INPP5A: variants seen among roughly 807,000 people sequenced by gnomAD.
The protein encoded by INPP5A is inositol polyphosphate-5-phosphatase A.
A neutral mutation model predicts 65.2 loss-of-function variants in INPP5A; 14 were observed. The ratio of observed to expected loss-of-function variants is 0.21; its 90% confidence interval spans 0.14 to 0.34. The LOEUF is 0.34. INPP5A is among the 10% of genes least tolerant of loss of function. INPP5A has a pLI of 1.00. For missense variants in INPP5A, 431 were observed against 545.6 expected, an observed-to-expected ratio of 0.79 and a Z score of 2.09; for synonymous variants, 207 against 208.3, an observed-to-expected ratio of 0.99 and a Z score of 0.05.
chr10:132,647,499 G>A (rs763283677), intron 3 of INPP5A, among the ~76,000 whole-genome samples: 6 of 152,214 alleles, frequency 3.9e-5, no homozygotes, highest in Non-Finnish European at 8.8e-5. Flanking sequence ...CCATATAAGA[G>A]CAAAGGGTCA....
At chr10:132,541,012 A>G (rs1468214973) in intron 1 of INPP5A, among the ~76,000 whole-genome samples, 3 of 147,128 alleles carry the variant, frequency 2.0e-5, no homozygotes, top group Admixed American at 7.0e-5. Context: ...TTTGTTTTAG[A>G]CAGGGTCTCA....
intron 2 of INPP5A, among the ~76,000 whole-genome samples, chr10:132,608,429 CT>C (rs2071892070): frequency 2.6e-5 from 4 of 152,238 alleles, no homozygotes; most frequent in African/African-American, 9.6e-5. Flanking sequence ...ACGGACCCCC[CT>C]GTCTAATATG....
intron 4 of INPP5A, among the ~76,000 whole-genome samples, chr10:132,657,908 G>A (rs1008668952): frequency 1.3e-5 from 2 of 152,242 alleles, no homozygotes; most frequent in Non-Finnish European, 2.9e-5. Flanking sequence ...GGCCCTTCAT[G>A]CTCCCCTAAA....
intron 1 of INPP5A, among the ~76,000 whole-genome samples, chr10:132,561,722 CCACACACACACACACA>C (rs35335535): frequency 7.0e-5 from 10 of 142,420 alleles, no homozygotes; most frequent in South Asian, 2.3e-4. Context: ...TTGTCAATTT[CCACACACACACACACA>C]CACACACACA....
chr10:132,570,716 A>G (rs551192487), intron 1 of INPP5A, among the ~76,000 whole-genome samples: 1 of 151,908 alleles, frequency 6.6e-6, no homozygotes, highest in Non-Finnish European at 1.5e-5. Flanking sequence ...AAACCAAGGG[A>G]CCAACTGAGC....
At chr10:132,735,934 C>G (rs1846168535) in intron 9 of INPP5A, among the ~76,000 whole-genome samples, 1 of 152,312 alleles carries the variant, frequency 6.6e-6, no homozygotes, top group Non-Finnish European at 1.5e-5. Flanking sequence ...GAGTCCTGCC[C>G]TGCCCCACAC....
chr10:132,703,947 G>A (rs1306311672), intron 6 of INPP5A, among the ~76,000 whole-genome samples: 1 of 84,814 alleles, frequency 1.2e-5, no homozygotes, highest in African/African-American at 4.9e-5. Flanking sequence ...CCACACACAC[G>A]CGGCTTCACA....
intron 9 of INPP5A, among the ~76,000 whole-genome samples, chr10:132,739,307 C>T (rs1457432107): frequency 3.3e-5 from 5 of 152,376 alleles, no homozygotes; most frequent in South Asian, 2.1e-4. Context: ...CCTGGCCTCC[C>T]GGCCTCACCA....
rs1590938804 is a variant in INPP5A at position 132,704,001 on chromosome 10, A to G, written c.475-4312A>G. Among the ~76,000 whole-genome samples, 1 of 98,292 alleles carries G rather than the reference A, an allele frequency of 1.0e-5. No homozygotes were observed. Among genetic ancestry groups the G allele is most frequent in the African/African-American group, 4.0e-5 (1 of 24,716 alleles). 64.5% of individuals were successfully genotyped at this position (98,292 alleles called of 152,430 possible). On this transcript the variant is annotated intron_variant, in intron 6 of 15. Coordinates refer to ENST00000368594, the MANE Select transcript of INPP5A (RefSeq NM_005539.5). This position sits in a 1 kb window ranked among gnomAD's most constrained non-coding sequence, Gnocchi z 4.5. The stretch of plus-strand genomic sequence containing the variant: ...GCAAGCTTCACCCACACACACACGC[A>G]CGGCTTCACCCCCCCACACACGCGT...
In INPP5A at chr10:132,637,361, T is replaced by C. The variant is rs1477698381; in HGVS notation, c.118-8507T>C. ...TGCGGGTCTTTTTCTGTTTTGAAGT[T>C]TTCCTGGGTTATAGTTTTAAATGTT... On this transcript the variant is annotated intron_variant, in intron 2 of 15. Transcript: ENST00000368594. The surrounding 1 kb of genome is among the most constrained non-coding windows in gnomAD (Gnocchi z 4.1). Among the ~76,000 whole-genome samples, 2 of 152,188 alleles carry C rather than the reference T, an allele frequency of 1.3e-5. No homozygotes were observed. Among genetic ancestry groups the C allele is most frequent in the African/African-American group, 4.8e-5 (2 of 41,440 alleles).
In INPP5A at chr10:132,676,815, T is replaced by C. The variant is rs758627864; in HGVS notation, c.307-13577T>C. Among the ~76,000 whole-genome samples, 1 of 152,150 alleles carries C rather than the reference T, an allele frequency of 6.6e-6. No homozygotes were observed. The highest frequency in any genetic ancestry group is 1.5e-5 in the Non-Finnish European group (1 of 68,022). On this transcript the variant is annotated intron_variant, in intron 4 of 15. Coordinates refer to ENST00000368594, the MANE Select transcript of INPP5A (RefSeq NM_005539.5). The surrounding 1 kb of genome is among the most constrained non-coding windows in gnomAD (Gnocchi z 4.0). ...CTCACCTGCTCCTGTCTCTCCACAG[T>C]AGTAGCCTCAGTCCAGTGCTTGACC...
At position 132,650,127 on chromosome 10, in the gene INPP5A, T is replaced by C. The variant is rs1210890663; in HGVS notation, c.219-291T>C. 1.3e-5 allele frequency among the ~76,000 whole-genome samples: 2 copies of C among 152,288 alleles called. No individual in the cohort carries two copies. Among genetic ancestry groups the C allele is most frequent in the East Asian group, 1.9e-4 (1 of 5,176 alleles). ...AGTTGCGCTTCCCTGGCATGAGACC[T>C]TGGGTGAGTTCTCAATGTCTCCATC... On this transcript the variant is annotated intron_variant, in intron 3 of 15. Transcript: ENST00000368594. This position sits in a 1 kb window ranked among gnomAD's most constrained non-coding sequence, Gnocchi z 5.5.
In INPP5A at chr10:132,575,964, C is replaced by T. The variant is rs1054423118; in HGVS notation, c.76-31951C>T. Among the ~76,000 whole-genome samples, 2 of 152,202 alleles carry T rather than the reference C, an allele frequency of 1.3e-5. No individual in the cohort carries two copies. The highest frequency in any genetic ancestry group is 4.8e-5 in the African/African-American group (2 of 41,444). On this transcript the variant is annotated intron_variant, in intron 1 of 15. Transcript: ENST00000368594. This position sits in a 1 kb window ranked among gnomAD's most constrained non-coding sequence, Gnocchi z 5.4. ...CCCCTCTCCTCCTGAACCACGAGTA[C>T]TTTCTGGGGAAATGATTTCACCCAC... is the stretch of plus-strand genomic sequence containing the variant.
At chr10:132,685,041 C>T (rs2073096808) in intron 4 of INPP5A, among the ~76,000 whole-genome samples, 1 of 152,116 alleles carries the variant, frequency 6.6e-6, no homozygotes, top group Non-Finnish European at 1.5e-5. Context: ...TTTCTTTCTG[C>T]TCCTAGATTT....
chr10:132,734,961 G>C (rs901024786), intron 9 of INPP5A, among the ~76,000 whole-genome samples: 15 of 152,306 alleles, frequency 9.8e-5, no homozygotes, highest in Admixed American at 9.8e-4. Context: ...TGTGTGGTGA[G>C]CCCCTCAGAG....
In INPP5A at chr10:132,704,667, T is replaced by TGG. The variant is rs1238530195; in HGVS notation, c.475-3640_475-3639dup. ...GTGGATCCTGTGCGTGGCTGGGCCG[T>TGG]GGGGGGGCAGTGGCTGTTCCAGGTG... On this transcript the variant is annotated intron_variant, in intron 6 of 15. Transcript: ENST00000368594. The surrounding 1 kb of genome is among the most constrained non-coding windows in gnomAD (Gnocchi z 4.5). 6.6e-6 allele frequency among the ~76,000 whole-genome samples: 1 copy of TGG among 152,040 alleles called. No homozygotes were observed. The highest frequency in any genetic ancestry group is 1.5e-5 in the Non-Finnish European group (1 of 67,998).
At position 132,659,778 on chromosome 10, in the gene INPP5A, CG is replaced by C. The variant is rs1408685067; in HGVS notation, c.306+9275del. On this transcript the variant is annotated intron_variant, in intron 4 of 15. Coordinates refer to ENST00000368594, the MANE Select transcript of INPP5A (RefSeq NM_005539.5). The surrounding 1 kb of genome is among the most constrained non-coding windows in gnomAD (Gnocchi z 5.5). ...AGCACTGTCCCGAGTCAGGTCTGCA[CG>C]GCTTCATGGCTGCCTGCCCTGGGAG... Among the ~76,000 whole-genome samples the C allele has an allele frequency of 9.9e-5, 15 of 152,220 alleles. No individual in the cohort carries two copies. Among genetic ancestry groups the C allele is most frequent in the African/African-American group, 2.4e-5 (1 of 41,446 alleles).
rs563720858 is a variant in INPP5A, at chr10:132,547,436, C to T, written c.75+9265C>T. Among the ~76,000 whole-genome samples the T allele has an allele frequency of 1.3e-4, 20 of 152,304 alleles. No individual in the cohort carries two copies. The highest frequency in any genetic ancestry group is 2.4e-4 in the Non-Finnish European group (16 of 68,018). ...GGCGCGTGGCCCAGGCTGAGCAGTG[C>T]ACTCGGCTGCCTAGGTGGTGTGAGG... On this transcript the variant is annotated intron_variant, in intron 1 of 15. Coordinates refer to ENST00000368594, the MANE Select transcript of INPP5A (RefSeq NM_005539.5). This position sits in a 1 kb window ranked among gnomAD's most constrained non-coding sequence, Gnocchi z 5.5.
chr10:132,710,465 G>C lies in INPP5A; in HGVS notation c.647+9G>C. 1 of 1,612,172 alleles carries C rather than the reference G, an allele frequency of 6.2e-7. No individual in the cohort carries two copies. Among genetic ancestry groups the C allele is most frequent in the Non-Finnish European group, 8.5e-7 (1 of 1,179,346 alleles). On this transcript the variant is annotated intron_variant, in intron 8 of 15. Coordinates refer to ENST00000368594, the MANE Select transcript of INPP5A (RefSeq NM_005539.5). ...GGCTACGTGCTGGACAGGTAGGTGTGGGCGGGCAGGTAGGCGTGGGCCGGG... is the reference window on the plus strand; with the variant it reads ...GGCTACGTGCTGGACAGGTAGGTGTCGGCGGGCAGGTAGGCGTGGGCCGGG...
Sources: allele counts gnomAD v4.1 joint callset (sites outside exome capture counted in the v4.1 genomes callset), GRCh38; gene constraint gnomAD v4.1.1; non-coding constraint Gnocchi (gnomAD v3.1); transcripts MANE v1.5; gene names NCBI Gene and HGNC (gene_info 2026-07-23, HGNC 2026-07-21).